The following BNC2 variants were observed in gnomAD, a reference collection of about 807,000 sequenced individuals.
BNC2 encodes basonuclin zinc finger protein 2.
In BNC2, 20 loss-of-function variants were observed where a neutral mutation model predicts 76.3. That is an observed-to-expected ratio of 0.26 (90% CI 0.18 to 0.38). BNC2 has a LOEUF of 0.38. Ranked by LOEUF, BNC2 falls within the 10% of genes least tolerant of loss-of-function variation. The probability of loss-of-function intolerance (pLI) is 1.00; values close to 1 mark genes in which losing one functional copy is unlikely to be tolerated. For synonymous variants in BNC2, 582 were observed against 514.8 expected, an observed-to-expected ratio of 1.13 and a Z score of -1.77; for missense variants, 1,382 against 1,399.8, an observed-to-expected ratio of 0.99 and a Z score of 0.20.
chr9:16,806,146 G>A lies in BNC2; in HGVS notation c.3+64500C>T, dbSNP rs1817904366. ...TTTTTTGTAAATGACCTTGGCTAAA[G>A]CTTTAACAGGGGGTGATATAAAAAT... On this transcript the variant is annotated intron_variant, in intron 1 of 6. Transcript: ENST00000380672. 2.0e-5 allele frequency among the ~76,000 whole-genome samples: 3 copies of A among 152,270 alleles called. No individual in the cohort carries two copies. The South Asian group carries it at 6.2e-4, about 32-fold the overall frequency.
At chr9:16,749,558 G>A (rs996351451) in intron 1 of BNC2, among the ~76,000 whole-genome samples, 98 of 152,242 alleles carry the variant, frequency 6.4e-4, no homozygotes, top group African/African-American at 2.3e-3. Context: ...AAATTACCCA[G>A]GTGTGGTGGC....
intron 5 of BNC2, among the ~76,000 whole-genome samples, chr9:16,527,123 T>G (rs1272700870): frequency 6.6e-6 from 1 of 152,152 alleles, no homozygotes; most frequent in Non-Finnish European, 1.5e-5. Context: ...GACACACTGC[T>G]AAAGGACAAG....
At chr9:16,562,686 T>C (rs1425069880) in intron 4 of BNC2, among the ~76,000 whole-genome samples, 1 of 152,206 alleles carries the variant, frequency 6.6e-6, no homozygotes, top group Non-Finnish European at 1.5e-5. Flanking sequence ...ATTAAGCATA[T>C]AAAAACAGTT....
chr9:16,495,125 T>G (rs777764453), intron 5 of BNC2, among the ~76,000 whole-genome samples: 4 of 152,132 alleles, frequency 2.6e-5, no homozygotes, highest in Admixed American at 6.6e-5. Flanking sequence ...GAGATCCAAG[T>G]GGATAGGGGA....
At chr9:16,531,084 T>C (rs1817960083) in intron 5 of BNC2, among the ~76,000 whole-genome samples, 1 of 152,204 alleles carries the variant, frequency 6.6e-6, no homozygotes, top group South Asian at 2.1e-4. Context: ...CAAGAGGAGA[T>C]GGTGATTATG....
chr9:16,680,612 G>C (rs1822795204), intron 3 of BNC2, among the ~76,000 whole-genome samples: 2 of 151,424 alleles, frequency 1.3e-5, no homozygotes, highest in South Asian at 2.1e-4. Flanking sequence ...AGGGAATAAG[G>C]GGCCTTTCCA....
At chr9:16,705,350 G>A (rs927762436) in intron 3 of BNC2, among the ~76,000 whole-genome samples, 7 of 152,162 alleles carry the variant, frequency 4.6e-5, no homozygotes, top group Non-Finnish European at 8.8e-5. Context: ...CAGCTTTGAC[G>A]GGAAAGGAGT....
intron 5 of BNC2, among the ~76,000 whole-genome samples, chr9:16,524,256 G>C (rs1817721644): frequency 6.6e-6 from 1 of 152,202 alleles, no homozygotes; most frequent in Non-Finnish European, 1.5e-5. Flanking sequence ...CTGTAATGAA[G>C]TACAGTATGA....
chr9:16,654,635 A>G (rs1454595003), intron 3 of BNC2, among the ~76,000 whole-genome samples: 1 of 151,966 alleles, frequency 6.6e-6, no homozygotes, highest in Admixed American at 6.6e-5. Flanking sequence ...CTTCAGTAAA[A>G]TATTAACATA....
At chr9:16,798,707 T>C (rs959528899) in intron 1 of BNC2, among the ~76,000 whole-genome samples, 1 of 152,186 alleles carries the variant, frequency 6.6e-6, no homozygotes, top group Non-Finnish European at 1.5e-5. Flanking sequence ...ACGTAGAAAT[T>C]ATAGAGGAAA....
intron 6 of BNC2, among the ~76,000 whole-genome samples, chr9:16,419,980 A>G (rs2119061607): frequency 6.6e-6 from 1 of 152,332 alleles, no homozygotes; most frequent in Admixed American, 6.5e-5. Flanking sequence ...TCAGCTGCAG[A>G]GAATTTCATG....
At chr9:16,751,757 G>A (rs5016911) in intron 1 of BNC2, among the ~76,000 whole-genome samples, 55,326 of 151,032 alleles carry the variant, frequency 0.37, 12,638 homozygotes, top group East Asian at 0.9. Context: ...TCAGCCAGGC[G>A]CAGTGGCTCA....
intron 1 of BNC2, among the ~76,000 whole-genome samples, chr9:16,786,059 C>A (rs1034346314): frequency 2.0e-5 from 3 of 152,080 alleles, no homozygotes; most frequent in Non-Finnish European, 4.4e-5. Context: ...TTCTGGACAG[C>A]ACCCAAAGAG....
intron 5 of BNC2, among the ~76,000 whole-genome samples, chr9:16,516,322 G>A (rs975885588): frequency 2.6e-5 from 4 of 151,728 alleles, no homozygotes; most frequent in East Asian, 1.9e-4. Context: ...ACTCTGAGAA[G>A]CGTTTGCAAG....
intron 3 of BNC2, among the ~76,000 whole-genome samples, chr9:16,723,805 T>A (rs1044689031): frequency 6.6e-6 from 1 of 152,108 alleles, no homozygotes; most frequent in Non-Finnish European, 1.5e-5. Context: ...GCCCCTCACC[T>A]ATCTAAAAAA....
At chr9:16,551,539 T>G (rs1382730256) in intron 5 of BNC2, among the ~76,000 whole-genome samples, 1 of 152,202 alleles carries the variant, frequency 6.6e-6, no homozygotes, top group Non-Finnish European at 1.5e-5. Context: ...AAACCAATTG[T>G]TTTTGAAGGG....
rs1222932993 is a variant in BNC2 at position 16,411,967 on chromosome 9, T to C, written c.*7022A>G. 6.6e-6 allele frequency: 1 copy of C among 152,266 alleles called. No individual in the cohort carries two copies. Among genetic ancestry groups the C allele is most frequent in the East Asian group, 1.9e-4 (1 of 5,196 alleles). 9.4% of individuals were successfully genotyped at this position (152,266 alleles called of 1,614,324 possible). ...TGCACTTCATTTAGTCACTAACTAGTCACTTTCCAACCATCATTTGAGTAT... is the reference window on the plus strand; with the variant it reads ...TGCACTTCATTTAGTCACTAACTAGCCACTTTCCAACCATCATTTGAGTAT... On this transcript the variant is annotated 3_prime_UTR_variant, in exon 7 of 7. Transcript: ENST00000380672.
At chr9:16,519,224 T>G (rs1407259416) in intron 5 of BNC2, among the ~76,000 whole-genome samples, 1 of 152,132 alleles carries the variant, frequency 6.6e-6, no homozygotes, top group Non-Finnish European at 1.5e-5. Flanking sequence ...GTGCATTCCA[T>G]TAGCAATAGA....
At chr9:16,743,923 T>A (rs1047809805) in intron 1 of BNC2, among the ~76,000 whole-genome samples, 6 of 151,894 alleles carry the variant, frequency 4.0e-5, no homozygotes, top group Non-Finnish European at 5.9e-5. Context: ...TTTTTTCCCC[T>A]ACCATCTTAT....
Sources: allele counts gnomAD v4.1 joint callset (sites outside exome capture counted in the v4.1 genomes callset), GRCh38; gene constraint gnomAD v4.1.1; transcripts MANE v1.5; gene names NCBI Gene and HGNC (gene_info 2026-07-23, HGNC 2026-07-21).